The following FAM135A variants were observed in gnomAD, a reference collection of about 807,000 sequenced individuals.
FAM135A encodes the protein protein FAM135A.
A neutral mutation model predicts 146.8 loss-of-function variants in FAM135A; 79 were observed. The ratio of observed to expected loss-of-function variants is 0.54; its 90% CI spans 0.45 to 0.65. The LOEUF is 0.65. FAM135A is among the 30% of genes least tolerant of loss of function. The pLI is 0.00. For synonymous variants in FAM135A, 562 were observed against 603.6 expected, an observed-to-expected ratio of 0.93 and a Z score of 1.01; for missense variants, 1,623 against 1,758.2, an observed-to-expected ratio of 0.92 and a Z score of 1.38.
chr6:70,486,277 C>T, intron 10 of FAM135A: 9 of 1,586,102 alleles, frequency 5.7e-6, no homozygotes, highest in Non-Finnish European at 7.8e-6. Flanking sequence ...TAAATGATCC[C>T]TTTTAATTAA....
At chr6:70,473,468 C>T (rs767870724) in intron 5 of FAM135A, among the ~76,000 whole-genome samples, 2 of 152,198 alleles carry the variant, frequency 1.3e-5, no homozygotes, top group Admixed American at 1.3e-4. Context: ...CATATCAGTA[C>T]TCTCAGTTTC....
At chr6:70,520,169 C>T (rs1266772545) in intron 12 of FAM135A, among the ~76,000 whole-genome samples, 6 of 151,832 alleles carry the variant, frequency 4.0e-5, no homozygotes, top group African/African-American at 1.4e-4. Context: ...TTTTCTTTGT[C>T]TAATTTGCTC....
At chr6:70,437,353 CTTG>C (rs1255295821) in intron 4 of FAM135A, among the ~76,000 whole-genome samples, 1 of 151,910 alleles carries the variant, frequency 6.6e-6, no homozygotes, top group Non-Finnish European at 1.5e-5. Flanking sequence ...AACAAGTGGG[CTTG>C]TTGTTTTCTT....
intron 10 of FAM135A, chr6:70,486,310 A>G (rs1423047730): frequency 7.4e-7 from 1 of 1,357,194 alleles, no homozygotes; most frequent in African/African-American, 1.5e-5. Context: ...TTTGCTTTAA[A>G]TTAGCATCAG....
intron 10 of FAM135A, among the ~76,000 whole-genome samples, chr6:70,487,591 A>G (rs1223851852): frequency 6.6e-6 from 1 of 152,184 alleles, no homozygotes; most frequent in Non-Finnish European, 1.5e-5. Context: ...GTTAAGGGAA[A>G]CTGATTTTCT....
At chr6:70,486,732 T>C (rs1223974750) in intron 10 of FAM135A, among the ~76,000 whole-genome samples, 1 of 152,040 alleles carries the variant, frequency 6.6e-6, no homozygotes, top group Non-Finnish European at 1.5e-5. Context: ...AGTTGGAGAC[T>C]AGCCTGACCA....
intron 16 of FAM135A, among the ~76,000 whole-genome samples, chr6:70,530,387 AC>A (rs1403253109): frequency 1.3e-5 from 2 of 152,204 alleles, no homozygotes; most frequent in African/African-American, 4.8e-5. Flanking sequence ...TATTAGAGGT[AC>A]AACTTTTAAA....
chr6:70,522,634 T>A (rs1324741515), intron 13 of FAM135A, 48 bp downstream of exon 13: 1 of 1,421,058 alleles, frequency 7.0e-7, no homozygotes, highest in Non-Finnish European at 9.9e-7. Context: ...TCCTTTTACA[T>A]AAGATACCTG....
chr6:70,556,822 G>A lies in FAM135A; in HGVS notation c.4301G>A (p.Arg1434His), dbSNP rs199812837. Residue 1434 changes from arginine (R) to histidine (H), a missense_variant, in exon 21 of 22, where the codon CGC (arginine) becomes CAC (histidine). By Grantham distance (29) the Arg-to-His change is conservative. Coordinates refer to ENST00000418814, the MANE Select transcript of FAM135A (RefSeq NM_001162529.3). ...QDRYVPYHSA[R>H]IEMCKTALKD... Reference sequence around the variant, plus strand: ...CGCTATGTTCCTTATCACTCTGCCCGCATTGAAATGTGTAAAACAGCTTTA... The same window carrying A: ...CGCTATGTTCCTTATCACTCTGCCCACATTGAAATGTGTAAAACAGCTTTA... 2.5e-6 allele frequency: 4 copies of A among 1,613,802 alleles called. No individual in the cohort carries two copies. The highest frequency in any genetic ancestry group is 1.7e-6 in the Non-Finnish European group (2 of 1,179,964).
intron 12 of FAM135A, among the ~76,000 whole-genome samples, chr6:70,514,818 C>T (rs530013710): frequency 6.6e-6 from 1 of 152,148 alleles, no homozygotes. Context: ...CAAGAGCCCT[C>T]CCAGTTTCTT....
chr6:70,506,177 G>A (rs909651515), intron 12 of FAM135A, among the ~76,000 whole-genome samples: 5 of 152,226 alleles, frequency 3.3e-5, no homozygotes, highest in Non-Finnish European at 1.5e-5. Context: ...ATGTTGATAA[G>A]CATTAAAGGA....
At position 70,525,308 on chromosome 6, in the gene FAM135A, A is replaced by G. The variant is rs1219228915; in HGVS notation, c.2224A>G (p.Lys742Glu). The G allele has an allele frequency of 4.3e-6, 7 of 1,609,550 alleles. No individual in the cohort carries two copies. The highest frequency in any genetic ancestry group is 5.9e-6 in the Non-Finnish European group (7 of 1,178,174). ...AAGTAATCTACCTGCCCCTTCTACAAAAGAATATCATGTTGTAGTAAGTGG... is the reference window on the plus strand; with the variant it reads ...AAGTAATCTACCTGCCCCTTCTACAGAAGAATATCATGTTGTAGTAAGTGG... ...LRSNLPAPST[K>E]EYHVVVSGDT... The change falls in exon 15 of 22, where the codon AAA becomes GAA. Residue 742 changes from lysine to glutamate, a missense_variant. Transcript: ENST00000418814.
In FAM135A at chr6:70,413,573, G is replaced by A; in HGVS notation, c.-349G>A. On this transcript the variant is annotated 5_prime_UTR_variant, in exon 1 of 22. Transcript: ENST00000418814. Reference sequence around the variant, plus strand: ...CCGGCTCCGCGGTTGCGGTGTTTGCGGTTGCTGTGATGGCGATGTGAGGGG... The same window carrying A: ...CCGGCTCCGCGGTTGCGGTGTTTGCAGTTGCTGTGATGGCGATGTGAGGGG... 1 of 156,628 alleles carries A rather than the reference G, an allele frequency of 6.4e-6. No individual in the cohort carries two copies. 9.7% of individuals were successfully genotyped at this position (156,628 alleles called of 1,614,324 possible).
At chr6:70,536,537 T>A in intron 19 of FAM135A, 126 bp downstream of exon 19, 2 of 761,126 alleles carry the variant, frequency 2.6e-6, no homozygotes, top group Non-Finnish European at 3.7e-6. Context: ...ATAAAAAATG[T>A]AGCTAATTTT....
chr6:70,481,126 C>T, intron 9 of FAM135A, 99 bp downstream of exon 9: 1 of 1,143,876 alleles, frequency 8.7e-7, no homozygotes, highest in Non-Finnish European at 1.2e-6. Flanking sequence ...TAAATTATTT[C>T]AGCTCAGCAA....
rs1794637880 is a variant in FAM135A at position 70,526,114 on chromosome 6, A to G, written c.3030A>G (p.Ser1010=). Residue 1010 remains serine (S), a synonymous_variant, in exon 15 of 22, where the codon TCA becomes TCG. Coordinates refer to ENST00000418814, the MANE Select transcript of FAM135A (RefSeq NM_001162529.3). ...SDVLNLTQMY[S]EIPTVESETH... Reference sequence around the variant, plus strand: ...TATTAAATCTCACACAGATGTATTCAGAAATCCCTACAGTTGAAAGTGAAA... The same window carrying G: ...TATTAAATCTCACACAGATGTATTCGGAAATCCCTACAGTTGAAAGTGAAA... The G allele has an allele frequency of 1.9e-6, 3 of 1,613,498 alleles. No individual in the cohort carries two copies. The highest frequency in any genetic ancestry group is 1.3e-5 in the African/African-American group (1 of 74,926).
intron 12 of FAM135A, chr6:70,504,331 T>A (rs577846505): frequency 1.3e-5 from 2 of 152,364 alleles, no homozygotes; most frequent in African/African-American, 4.8e-5. Flanking sequence ...TTTTCTTCTT[T>A]ATTTCTGATA....
At chr6:70,516,531 T>A in intron 12 of FAM135A, among the ~76,000 whole-genome samples, 1 of 70,176 alleles carries the variant, frequency 1.4e-5, no homozygotes, top group South Asian at 3.8e-4. Context: ...TTTTCTTTTC[T>A]TTTTTTTTTT....
chr6:70,434,977 G>A (rs1772629033), intron 4 of FAM135A, among the ~76,000 whole-genome samples: 2 of 150,726 alleles, frequency 1.3e-5, no homozygotes, highest in African/African-American at 4.9e-5. Flanking sequence ...CCATTTCCTT[G>A]TCATAAGATA....
Sources: gnomAD v4.1 joint callset for allele counts (sites outside exome capture counted in the v4.1 genomes callset) on GRCh38, gnomAD v4.1.1 for gene constraint, MANE v1.5 for transcripts, NCBI Gene and HGNC (gene_info 2026-07-23, HGNC 2026-07-21) for gene names.